The following RAP1GAP2 variants were observed in gnomAD, a reference collection of about 807,000 sequenced individuals.
RAP1GAP2 encodes rap1 GTPase-activating protein 2.
Under a neutral mutation model 95.0 loss-of-function variants are expected in RAP1GAP2, and 27 were observed. That is an observed-to-expected ratio of 0.28 (90% CI 0.21 to 0.39). RAP1GAP2 has a LOEUF of 0.39. Among genes scored for constraint, RAP1GAP2 ranks in the 10% least tolerant of loss-of-function variants. The probability of loss-of-function intolerance (pLI) is 1.00; values close to 1 mark genes in which losing one functional copy is unlikely to be tolerated. For synonymous variants in RAP1GAP2, 373 were observed against 380.9 expected (o/e 0.98, Z 0.24); for missense variants, 771 against 970.0 (o/e 0.79, Z 2.72).
At chr17:2,998,016 G>A (rs2046026117) in intron 13 of RAP1GAP2, among the ~76,000 whole-genome samples, 1 of 151,636 alleles carries the variant, frequency 6.6e-6, no homozygotes, top group African/African-American at 2.4e-5. Flanking sequence ...CACAAAGCAC[G>A]AAGCGTGTTC....
chr17:2,833,142 A>G (rs1179864014), intron 2 of RAP1GAP2, among the ~76,000 whole-genome samples: 1 of 149,996 alleles, frequency 6.7e-6, no homozygotes, highest in Non-Finnish European at 1.5e-5. Context: ...GTTGTTCTTG[A>G]TAATTTTTTT....
intron 17 of RAP1GAP2, among the ~76,000 whole-genome samples, chr17:3,012,511 G>C (rs2046584801): frequency 6.8e-6 from 1 of 146,150 alleles, no homozygotes; most frequent in African/African-American, 2.5e-5. Context: ...CCAGCTACTT[G>C]GGAGGCTGGG....
intron 3 of RAP1GAP2, among the ~76,000 whole-genome samples, chr17:2,950,737 A>G (rs962307344): frequency 1.3e-5 from 2 of 151,412 alleles, no homozygotes; most frequent in African/African-American, 4.9e-5. Flanking sequence ...CAGCCTCCCA[A>G]ATAGCTGGGA....
At chr17:2,954,900 A>G (rs1187779943) in intron 3 of RAP1GAP2, among the ~76,000 whole-genome samples, 1 of 151,932 alleles carries the variant, frequency 6.6e-6, no homozygotes, top group Non-Finnish European at 1.5e-5. Flanking sequence ...CCCTATCTCT[A>G]CCTTTTTTCA....
chr17:2,935,720 C>T (rs565727421), intron 3 of RAP1GAP2, among the ~76,000 whole-genome samples: 6 of 152,224 alleles, frequency 3.9e-5, no homozygotes, highest in Non-Finnish European at 5.9e-5. Flanking sequence ...TCGGAAGTGC[C>T]GGAGGATGGG....
chr17:2,969,782 G>A lies in RAP1GAP2; in HGVS notation c.596+4139G>A, dbSNP rs1444102516. ...GCCTCCCAAAGTGCTGGGATTACAGGCGTGAGTCACCGCGTCTGGCCTAAA... is the reference window on the plus strand; with the variant it reads ...GCCTCCCAAAGTGCTGGGATTACAGACGTGAGTCACCGCGTCTGGCCTAAA... On this transcript the variant is annotated intron_variant, in intron 8 of 24. Coordinates refer to ENST00000254695, the MANE Select transcript of RAP1GAP2 (RefSeq NM_015085.5). 2.0e-5 allele frequency among the ~76,000 whole-genome samples: 3 copies of A among 151,868 alleles called. No individual in the cohort carries two copies. The East Asian group carries it at 5.8e-4, about 29-fold the overall frequency.
intron 2 of RAP1GAP2, among the ~76,000 whole-genome samples, chr17:2,837,489 A>T (rs1245738253): frequency 6.6e-6 from 1 of 152,008 alleles, no homozygotes. Flanking sequence ...GGTGATGGGC[A>T]TCGGGAGTCT....
At chr17:2,793,324 T>C (rs1489375799), upstream of RAP1GAP2, among the ~76,000 whole-genome samples, 1 of 152,194 alleles carries the variant, frequency 6.6e-6, no homozygotes, top group Non-Finnish European at 1.5e-5. Flanking sequence ...CGGCTAATTT[T>C]TGTACTTTTA....
rs149362364 is a variant in RAP1GAP2, at chr17:2,984,609, G to A, written c.730-374G>A. ...TGCTGCTGATTAGAGGTGGAATTAG[G>A]ACTAGAGTTATCCTTGCTGACCAGT... On this transcript the variant is annotated intron_variant, in intron 10 of 24. Coordinates refer to ENST00000254695, the MANE Select transcript of RAP1GAP2 (RefSeq NM_015085.5). 3.2e-3 allele frequency among the ~76,000 whole-genome samples: 489 copies of A among 152,258 alleles called. 3 individuals carry two copies. Among genetic ancestry groups the A allele is most frequent in the Non-Finnish European group, 4.9e-3 (331 of 68,016 alleles).
At chr17:2,772,640 G>A (rs989080974), upstream of RAP1GAP2, among the ~76,000 whole-genome samples, 1 of 151,746 alleles carries the variant, frequency 6.6e-6, no homozygotes, top group East Asian at 1.9e-4. Context: ...CAAATGCTTT[G>A]CAGGAATAAA....
chr17:2,826,921 G>A (rs576254512), intron 2 of RAP1GAP2, among the ~76,000 whole-genome samples: 7 of 152,276 alleles, frequency 4.6e-5, no homozygotes, highest in South Asian at 2.1e-4. Flanking sequence ...CAAGAGAATC[G>A]CTTGAACCTG....
At position 3,026,427 on chromosome 17, in the gene RAP1GAP2, C is replaced by T; in HGVS notation, c.1943C>T (p.Ala648Val). The T allele has an allele frequency of 6.4e-7, 1 of 1,552,432 alleles. No individual in the cohort carries two copies. Among genetic ancestry groups the T allele is most frequent in the South Asian group, 1.2e-5 (1 of 84,104 alleles). ...SSSTSSVSSTAGEGEAMEEGD... is the reference protein window; with the variant it reads ...SSSTSSVSSTVGEGEAMEEGD... Reference sequence around the variant, plus strand: ...AGCACCAGCAGCGTCAGCAGCACTGCAGGGGAGGGCGAGGCCATGGAGGAG... The same window carrying T: ...AGCACCAGCAGCGTCAGCAGCACTGTAGGGGAGGGCGAGGCCATGGAGGAG... Residue 648 changes from alanine (A) to valine (V), a missense_variant, in exon 21 of 25, where the codon GCA (alanine) becomes GTA (valine). Transcript: ENST00000254695.
At chr17:2,876,886 CTTTT>C (rs34517318) in intron 2 of RAP1GAP2, among the ~76,000 whole-genome samples, 8 of 127,508 alleles carry the variant, frequency 6.3e-5, no homozygotes, top group African/African-American at 2.4e-4. Context: ...GGTTTACGTT[CTTTT>C]TTTTTTTTTT....
chr17:2,758,159 A>T (rs183223777), intron 1 of RAP1GAP2, among the ~76,000 whole-genome samples: 1 of 135,456 alleles, frequency 7.4e-6, no homozygotes, highest in African/African-American at 2.9e-5. Context: ...GTGAGCCACC[A>T]CGCCTGGCCA....
intron 1 of RAP1GAP2, among the ~76,000 whole-genome samples, chr17:2,782,667 T>G (rs1417231071): frequency 6.6e-6 from 1 of 152,152 alleles, no homozygotes; most frequent in Non-Finnish European, 1.5e-5. Flanking sequence ...ATCAGCTCAT[T>G]TACTCCTCAG....
At chr17:2,880,349 G>C (rs530381857) in intron 2 of RAP1GAP2, among the ~76,000 whole-genome samples, 1 of 151,872 alleles carries the variant, frequency 6.6e-6, no homozygotes, top group Non-Finnish European at 1.5e-5. Context: ...GGGTGGGGCC[G>C]TTGGGACAAG....
chr17:2,926,550 C>A (rs1381084873), intron 3 of RAP1GAP2, among the ~76,000 whole-genome samples: 3 of 152,174 alleles, frequency 2.0e-5, no homozygotes, highest in Admixed American at 2.0e-4. Context: ...CTCCCTCCCC[C>A]AAAGCCAGCT....
At chr17:2,792,892 C>T (rs888338804), upstream of RAP1GAP2, among the ~76,000 whole-genome samples, 6 of 152,222 alleles carry the variant, frequency 3.9e-5, no homozygotes, top group Non-Finnish European at 7.3e-5. Flanking sequence ...TCCAGGTGTT[C>T]ATAGCTGGGC....
At chr17:2,772,866 T>TA (rs1343194676), upstream of RAP1GAP2, among the ~76,000 whole-genome samples, 5 of 148,960 alleles carry the variant, frequency 3.4e-5, no homozygotes, top group African/African-American at 1.2e-4. Flanking sequence ...TTTTTTTTTT[T>TA]TTTTTTTTTG....
Sources: gnomAD v4.1 joint callset for allele counts (sites outside exome capture counted in the v4.1 genomes callset) on GRCh38, gnomAD v4.1.1 for gene constraint, MANE v1.5 for transcripts, NCBI Gene and HGNC (gene_info 2026-07-23, HGNC 2026-07-21) for gene names.